The following RARB variants were observed in gnomAD, a reference collection of about 807,000 sequenced individuals.
RARB encodes retinoic acid receptor beta, also known as HBV-activated protein.
A neutral mutation model predicts 51.9 loss-of-function variants in RARB; 17 were observed. That is an observed-to-expected ratio of 0.33 (90% CI 0.22 to 0.49). The LOEUF (loss-of-function observed/expected upper bound fraction) is 0.49. Ranked by LOEUF, RARB falls within the 20% of genes least tolerant of loss-of-function variation. RARB has a pLI of 0.99. For synonymous variants in RARB, 215 were observed against 195.4 expected (o/e 1.10, Z -0.84); for missense variants, 369 against 550.8 (o/e 0.67, Z 3.30).
intron 4 of RARB, among the ~76,000 whole-genome samples, chr3:25,134,694 G>A (rs1320855896): frequency 2.0e-5 from 3 of 151,958 alleles, no homozygotes; most frequent in African/African-American, 7.2e-5. Context: ...CAAAAAAAAT[G>A]GCTGTAAGAT....
rs115754287 is a variant in RARB, at chr3:25,384,619, C to G, written c.179-76574C>G. ...ACATGCAGGACTGGCTTCTCTTTCT[C>G]TAGAATGAGGCTGACATCCTCCTCA... is the stretch of plus-strand genomic sequence containing the variant. On this transcript the variant is annotated intron_variant, in intron 5 of 11. Coordinates refer to the RARB transcript ENST00000383772. 6.8e-3 allele frequency among the ~76,000 whole-genome samples: 1,043 copies of G among 152,288 alleles called. 15 individuals carry two copies. Among genetic ancestry groups the G allele is most frequent in the African/African-American group, 0.023 (960 of 41,560 alleles).
At chr3:25,542,467 G>A (rs1446953105) in intron 3 of RARB, among the ~76,000 whole-genome samples, 1 of 152,254 alleles carries the variant, frequency 6.6e-6, no homozygotes, top group South Asian at 2.1e-4. Flanking sequence ...TAGATGCTAA[G>A]TACTGCTCCT....
At position 25,411,122 on chromosome 3, in the gene RARB, T is replaced by A. The variant is rs183485092; in HGVS notation, c.179-50071T>A. Among the ~76,000 whole-genome samples the A allele has an allele frequency of 5.3e-3, 812 of 152,342 alleles. 6 individuals carry two copies. The highest frequency in any genetic ancestry group is 0.016 in the African/African-American group (668 of 41,578). The stretch of plus-strand genomic sequence containing the variant: ...ATAGATAATGTAATCTACCTTTTTT[T>A]AAATCAGCATAACATCTTAATAATA... On this transcript the variant is annotated intron_variant, in intron 5 of 11. Coordinates refer to the RARB transcript ENST00000383772.
At chr3:25,125,795 A>T (rs1487867518) in intron 3 of RARB, among the ~76,000 whole-genome samples, 1 of 152,204 alleles carries the variant, frequency 6.6e-6, no homozygotes, top group Non-Finnish European at 1.5e-5. Context: ...ATACTTGTTG[A>T]TTTGAATTGA....
chr3:25,288,698 G>A (rs1001133798), intron 5 of RARB, among the ~76,000 whole-genome samples: 3 of 152,042 alleles, frequency 2.0e-5, no homozygotes, highest in African/African-American at 7.2e-5. Context: ...ACAGAAGAGA[G>A]CCAAGCAGAA....
rs375991453 is a variant in RARB, at chr3:25,575,115, A to T, written c.609+5197A>T. 1.1e-4 allele frequency among the ~76,000 whole-genome samples: 17 copies of T among 152,284 alleles called. No homozygotes were observed. In the East Asian group the frequency reaches 3.3e-3, roughly 29 times the overall value. The stretch of plus-strand genomic sequence containing the variant: ...TTTTCCATAGATGCTGGGCTTGGGG[A>T]TAGTTTCAGGATGAAACTCATGAAG... On this transcript the variant is annotated intron_variant, in intron 4 of 7. Transcript: ENST00000330688.
At chr3:25,501,530 T>A (rs1261178383) in intron 3 of RARB, among the ~76,000 whole-genome samples, 1 of 152,164 alleles carries the variant, frequency 6.6e-6, no homozygotes, top group African/African-American at 2.4e-5. Flanking sequence ...GAGTTAGGCG[T>A]CGTGGATGTC....
intron 2 of RARB, among the ~76,000 whole-genome samples, chr3:24,946,894 G>GA (rs1695787378): frequency 6.6e-6 from 1 of 152,086 alleles, no homozygotes; most frequent in Admixed American, 6.5e-5. Flanking sequence ...AAGGCTCATG[G>GA]AAAAAACAGA....
chr3:25,543,229 CT>C (rs1347679457), intron 3 of RARB, among the ~76,000 whole-genome samples: 1 of 152,126 alleles, frequency 6.6e-6, no homozygotes, highest in Non-Finnish European at 1.5e-5. Flanking sequence ...ATCCATAGAG[CT>C]TTGGGGTCTG....
At chr3:25,181,352 CT>C (rs1700856430) in intron 5 of RARB, among the ~76,000 whole-genome samples, 1 of 152,188 alleles carries the variant, frequency 6.6e-6, no homozygotes, top group Non-Finnish European at 1.5e-5. Flanking sequence ...GTTTTCATAA[CT>C]TTTCCTTCAC....
intron 3 of RARB, among the ~76,000 whole-genome samples, chr3:25,558,645 G>A (rs1273790982): frequency 3.3e-5 from 5 of 150,986 alleles, no homozygotes; most frequent in Non-Finnish European, 1.5e-5. Context: ...CTTTGGAGGT[G>A]CTCTCTTGCC....
intron 2 of RARB, among the ~76,000 whole-genome samples, chr3:25,036,752 G>C (rs906887922): frequency 6.6e-6 from 1 of 152,068 alleles, no homozygotes; most frequent in African/African-American, 2.4e-5. Context: ...ATGTCGAAAA[G>C]GCATCACTAC....
At chr3:25,421,413 T>C (rs1707859435) in intron 5 of RARB, among the ~76,000 whole-genome samples, 1 of 136,640 alleles carries the variant, frequency 7.3e-6, no homozygotes, top group Non-Finnish European at 1.6e-5. Context: ...CTTTTTTTTT[T>C]TTTTTTTTTT....
chr3:24,988,591 T>TA (rs956019606), intron 2 of RARB, among the ~76,000 whole-genome samples: 77 of 151,974 alleles, frequency 5.1e-4, no homozygotes, highest in African/African-American at 1.7e-3. Context: ...GTATAGATTA[T>TA]AAAAAAAATA....
rs76001385 is a variant in RARB at position 25,053,253 on chromosome 3, C to G, written c.-379-6872C>G. Among the ~76,000 whole-genome samples the G allele has an allele frequency of 4.0e-3, 611 of 152,222 alleles. 2 individuals carry two copies. Among genetic ancestry groups the G allele is most frequent in the African/African-American group, 0.014 (584 of 41,538 alleles). On this transcript the variant is annotated intron_variant, in intron 2 of 11. Coordinates refer to the RARB transcript ENST00000383772. ...TTAACTTTATCCCTTCATACAATCA[C>G]ATTAAACAACTTATTCTTAAGAAAA...
At chr3:25,229,275 A>G (rs1206573312) in intron 5 of RARB, among the ~76,000 whole-genome samples, 1 of 151,962 alleles carries the variant, frequency 6.6e-6, no homozygotes, top group Non-Finnish European at 1.5e-5. Flanking sequence ...TATTCCTTTT[A>G]TTCACTTCTA....
chr3:25,508,163 A>G (rs974794697), intron 3 of RARB, among the ~76,000 whole-genome samples: 29 of 152,334 alleles, frequency 1.9e-4, no homozygotes, highest in South Asian at 2.1e-4. Flanking sequence ...GAATAGAGCA[A>G]TTGAATAATC....
intron 5 of RARB, among the ~76,000 whole-genome samples, chr3:25,240,141 A>T (rs1281730715): frequency 6.6e-6 from 1 of 151,346 alleles, no homozygotes; most frequent in South Asian, 2.1e-4. Context: ...CGGTTAGTTC[A>T]TCATTGGTGT....
chr3:25,032,524 C>T (rs1603996), intron 2 of RARB, among the ~76,000 whole-genome samples: 107,080 of 152,042 alleles, frequency 0.7, 38,451 homozygotes, highest in East Asian at 0.93. Context: ...AGATGAGAAC[C>T]TCAGGCACTA....
Sources: allele counts gnomAD v4.1 joint callset (sites outside exome capture counted in the v4.1 genomes callset), GRCh38; gene constraint gnomAD v4.1.1; transcripts MANE v1.5; gene names NCBI Gene and HGNC (gene_info 2026-07-23, HGNC 2026-07-21).